Variants in PHACTR2 observed in about 807,000 individuals in gnomAD.
The protein encoded by PHACTR2 is chromosome 6 open reading frame 56.
In PHACTR2, 30 loss-of-function variants were observed where a neutral mutation model predicts 76.0. The observed-to-expected ratio is 0.39, with a 90% CI of 0.30 to 0.54. PHACTR2 has a LOEUF of 0.54. PHACTR2 is among the 20% of genes least tolerant of loss of function. The pLI is 0.61. For synonymous variants in PHACTR2, 292 were observed against 292.5 expected, an observed-to-expected ratio of 1.00 and a Z score of 0.02; for missense variants, 696 against 781.1, an observed-to-expected ratio of 0.89 and a Z score of 1.30.
rs1033240571 is a variant in PHACTR2 at position 143,679,902 on chromosome 6, G to T, written c.46+1693G>T. On this transcript the variant is annotated intron_variant, in intron 1 of 12. Coordinates refer to ENST00000440869, the MANE Select transcript of PHACTR2 (RefSeq NM_001100164.2). The surrounding 1 kb of genome is among the most constrained non-coding windows in gnomAD (Gnocchi z 4.6). ...AAGATAATTCAGAGAAATATCTCAC[G>T]GAACGGTGTTATACTTAAATTGCAG... Among the ~76,000 whole-genome samples the T allele has an allele frequency of 6.6e-6, 1 of 152,062 alleles. No homozygotes were observed. The highest frequency in any genetic ancestry group is 2.4e-5 in the African/African-American group (1 of 41,406).
intron 1 of PHACTR2, among the ~76,000 whole-genome samples, chr6:143,642,470 G>A (rs1470565579): frequency 6.6e-6 from 1 of 152,218 alleles, no homozygotes; most frequent in African/African-American, 2.4e-5. Flanking sequence ...GCAGTCAGAT[G>A]TAGTGGTTTG....
intron 7 of PHACTR2, 141 bp from the exon 8 acceptor site, chr6:143,773,918 C>T: frequency 7.3e-6 from 4 of 546,818 alleles, no homozygotes; most frequent in Middle Eastern, 3.5e-4. Flanking sequence ...TCTTTTTTTC[C>T]TTAGGTTAAT....
At chr6:143,603,881 TTGAGGTCAGGAGTTCAAGACAACC>T (rs987043637), upstream of PHACTR2, among the ~76,000 whole-genome samples, 1 of 151,926 alleles carries the variant, frequency 6.6e-6, no homozygotes, top group African/African-American at 2.4e-5. Context: ...GGTGGATCAC[TTGAGGTCAGGAGTTCAAGACAACC>T]TGGCCAACAT....
rs569827969 is a variant in PHACTR2, at chr6:143,548,714, G to A, written c.217+11507G>A. On this transcript the variant is annotated intron_variant, in intron 1 of 11. Transcript: ENST00000367584. This position sits in a 1 kb window ranked among gnomAD's most constrained non-coding sequence, Gnocchi z 4.5. Reference sequence around the variant, plus strand: ...CATTACCTCCTTGTACCTGGGGCCCGGGGAGGTAAGAAATTGCAGGGCTTC... The same window carrying A: ...CATTACCTCCTTGTACCTGGGGCCCAGGGAGGTAAGAAATTGCAGGGCTTC... Among the ~76,000 whole-genome samples, 28 of 152,124 alleles carry A rather than the reference G, an allele frequency of 1.8e-4. No homozygotes were observed. The highest frequency in any genetic ancestry group is 7.7e-4 in the East Asian group (4 of 5,194).
intron 10 of PHACTR2, among the ~76,000 whole-genome samples, chr6:143,788,099 G>A (rs533727291): frequency 1.8e-4 from 27 of 152,320 alleles, no homozygotes; most frequent in Admixed American, 3.9e-4. Context: ...AGGAGGAACC[G>A]AAGTTGTTAG....
intron 2 of PHACTR2, among the ~76,000 whole-genome samples, chr6:143,729,585 A>G (rs997156266): frequency 6.6e-5 from 10 of 152,148 alleles, no homozygotes; most frequent in African/African-American, 1.9e-4. Flanking sequence ...CATTTGTTGA[A>G]AAGATCATCC....
rs939999357 is a variant in PHACTR2 at position 143,537,791 on chromosome 6, C to A, written c.217+584C>A. ...GGAGAGTTTGGCGGGCTGTTTGTGCCTCTCATCCTTTAACATGTTTTGAAA... is the reference window on the plus strand; with the variant it reads ...GGAGAGTTTGGCGGGCTGTTTGTGCATCTCATCCTTTAACATGTTTTGAAA... On this transcript the variant is annotated intron_variant, in intron 1 of 11. Transcript: ENST00000367584. This position sits in a 1 kb window ranked among gnomAD's most constrained non-coding sequence, Gnocchi z 4.4. Among the ~76,000 whole-genome samples, 19 of 152,128 alleles carry A rather than the reference C, an allele frequency of 1.2e-4. No individual in the cohort carries two copies. The highest frequency in any genetic ancestry group is 1.0e-3 in the Admixed American group (16 of 15,286).
At chr6:143,808,216 A>G (rs1486055627) in intron 12 of PHACTR2, among the ~76,000 whole-genome samples, 1 of 144,172 alleles carries the variant, frequency 6.9e-6, no homozygotes, top group Admixed American at 7.2e-5. Context: ...TGCAACCTCC[A>G]CCTCCCGGGT....
chr6:143,800,788 C>T lies in PHACTR2; in HGVS notation c.1846-6269C>T, dbSNP rs1775935258. ...GTTAGTTGATGCAGTTTCTTCCTAG[C>T]ATCAGTGGTCTTTACAATTTGGCAT... On this transcript the variant is annotated intron_variant, in intron 11 of 12. Transcript: ENST00000440869. The surrounding 1 kb of genome is among the most constrained non-coding windows in gnomAD (Gnocchi z 4.8). Among the ~76,000 whole-genome samples, 1 of 152,182 alleles carries T rather than the reference C, an allele frequency of 6.6e-6. No homozygotes were observed. Among genetic ancestry groups the T allele is most frequent in the Non-Finnish European group, 1.5e-5 (1 of 68,034 alleles).
Position 143,774,303 on chromosome 6 carries a change from T to C in PHACTR2, c.1589+88T>C. 1.9e-6 allele frequency: 2 copies of C among 1,062,598 alleles called. No homozygotes were observed. Among genetic ancestry groups the C allele is most frequent in the Non-Finnish European group, 2.8e-6 (2 of 706,668 alleles). 65.8% of individuals were successfully genotyped at this position (1,062,598 alleles called of 1,614,324 possible). ...CTACCTAACTGGGGTCATTGTGAAT[T>C]CCTTATGTACAGATACATCTGGCCT... On this transcript the variant is annotated intron_variant, in intron 8 of 12. Coordinates refer to ENST00000440869, the MANE Select transcript of PHACTR2 (RefSeq NM_001100164.2). This position sits in a 1 kb window ranked among gnomAD's most constrained non-coding sequence, Gnocchi z 5.4.
At chr6:143,718,886 T>G (rs1323075095) in intron 2 of PHACTR2, among the ~76,000 whole-genome samples, 1 of 147,706 alleles carries the variant, frequency 6.8e-6, no homozygotes, top group Admixed American at 6.8e-5. Context: ...TTTTTTTTTT[T>G]TTTTTTTTTT....
chr6:143,705,345 A>T (rs1582791892), intron 1 of PHACTR2, among the ~76,000 whole-genome samples: 1 of 134,618 alleles, frequency 7.4e-6, no homozygotes, highest in African/African-American at 2.9e-5. Context: ...CCCAGGCTGG[A>T]GTGCAGTGGC....
chr6:143,537,236 GA>G lies in PHACTR2; in HGVS notation c.217+30del. On this transcript the variant is annotated intron_variant, in intron 1 of 11. Transcript: ENST00000367584. This position sits in a 1 kb window ranked among gnomAD's most constrained non-coding sequence, Gnocchi z 4.4. ...AGAGCGGCTCGGGGCGCGGGCCGGG[GA>G]GGGCCGGCCGCGGGCAGGTGGCCGC... 4.8e-6 allele frequency: 1 copy of G among 207,752 alleles called. No individual in the cohort carries two copies. The highest frequency in any genetic ancestry group is 9.6e-6 in the Non-Finnish European group (1 of 104,628). The allele number at this position is 207,752 out of a possible 1,614,324, so 12.9% of individuals were successfully genotyped here.
rs1779249697 is a variant in PHACTR2, at chr6:143,754,122, T to C, written c.454+210T>C. 1.7e-5 allele frequency: 6 copies of C among 343,656 alleles called. No individual in the cohort carries two copies. Among genetic ancestry groups the C allele is most frequent in the Non-Finnish European group, 3.1e-5 (6 of 191,814 alleles). The allele number at this position is 343,656 out of a possible 1,614,324, so 21.3% of individuals were successfully genotyped here. ...CATTTTATAAGCACAGTATTTGTTT[T>C]TTCAATTATTAAAAATGTTAATTAA... On this transcript the variant is annotated intron_variant, in intron 4 of 12. Transcript: ENST00000440869. This position sits in a 1 kb window ranked among gnomAD's most constrained non-coding sequence, Gnocchi z 6.2.
At chr6:143,655,351 G>A (rs1186231040) in intron 1 of PHACTR2, among the ~76,000 whole-genome samples, 1 of 151,982 alleles carries the variant, frequency 6.6e-6, no homozygotes, top group African/African-American at 2.4e-5. Context: ...ATGGGCATAG[G>A]GTTTCTTACT....
chr6:143,753,793 A>G lies in PHACTR2; in HGVS notation c.335A>G (p.His112Arg), dbSNP rs769133823. Residue 112 changes from histidine (H) to arginine (R), a missense_variant, in exon 4 of 13, where the codon CAC (histidine) becomes CGC (arginine). By Grantham distance (29) the His-to-Arg change is conservative. This residue lies in a region of PHACTR2 where 460 missense variants were observed against 450.9 expected (regional missense o/e 1.02). Coordinates refer to ENST00000440869, the MANE Select transcript of PHACTR2 (RefSeq NM_001100164.2). The surrounding 1 kb of genome is among the most constrained non-coding windows in gnomAD (Gnocchi z 4.6). ...VTVNFENSNG[H>R]MIPIGEESTR... ...GTTAACTTTGAAAATTCAAACGGGC[A>G]CATGATACCCATCGGAGAGGAATCT... is the stretch of plus-strand genomic sequence containing the variant. 1 of 1,608,700 alleles carries G rather than the reference A, an allele frequency of 6.2e-7. No individual in the cohort carries two copies. The highest frequency in any genetic ancestry group is 2.2e-5 in the East Asian group (1 of 44,612).
intron 2 of PHACTR2, among the ~76,000 whole-genome samples, chr6:143,736,817 G>A (rs560838994): frequency 1.1e-4 from 16 of 151,548 alleles, no homozygotes; most frequent in South Asian, 6.3e-4. Context: ...CTCGTGATCC[G>A]CCCGCCTCGG....
rs1044260626 is a variant in PHACTR2 at position 143,570,957 on chromosome 6, G to A, written c.217+33750G>A. 3.9e-5 allele frequency among the ~76,000 whole-genome samples: 6 copies of A among 152,078 alleles called. No homozygotes were observed. In the South Asian group the frequency reaches 6.2e-4, roughly 16 times the overall value. ...TCAAATGCCCCTGAGACTCGAAGAC[G>A]CAAATTATATTCCTATTTTTCATGA... On this transcript the variant is annotated intron_variant, in intron 1 of 11. Transcript: ENST00000367584. This position sits in a 1 kb window ranked among gnomAD's most constrained non-coding sequence, Gnocchi z 4.6.
At chr6:143,812,328 C>T (rs933291263) in intron 12 of PHACTR2, among the ~76,000 whole-genome samples, 6 of 152,146 alleles carry the variant, frequency 3.9e-5, no homozygotes, top group Non-Finnish European at 8.8e-5. Context: ...CAAAAACAAA[C>T]ATTTAAAAGA....
Sources: allele counts gnomAD v4.1 joint callset (sites outside exome capture counted in the v4.1 genomes callset), GRCh38; gene constraint gnomAD v4.1.1; regional missense constraint gnomAD v4.1.1; non-coding constraint Gnocchi (gnomAD v3.1); transcripts MANE v1.5; gene names NCBI Gene and HGNC (gene_info 2026-07-23, HGNC 2026-07-21).